MID1: variants seen among roughly 807,000 people sequenced by gnomAD.
The protein encoded by MID1 is midline 1, also known as E3 ubiquitin-protein ligase Midline-1.
A neutral mutation model predicts 40.4 loss-of-function variants in MID1; 7 were observed. The observed-to-expected ratio is 0.17, with a 90% CI of 0.10 to 0.33. MID1 has a LOEUF of 0.33. Among genes scored for constraint, MID1 ranks in the 10% least tolerant of loss-of-function variants. The pLI is 1.00. For missense variants in MID1, 367 were observed against 558.5 expected, an observed-to-expected ratio of 0.66 and a Z score of 3.46; for synonymous variants, 229 against 221.2, an observed-to-expected ratio of 1.04 and a Z score of -0.31.
intron 1 of MID1, among the ~76,000 whole-genome samples, chrX:10,592,274 TAAAAAAAA>T (rs144661774): frequency 3.5e-5 from 1 of 28,232 alleles, no homozygotes; most frequent in African/African-American, 1.4e-4. Context: ...GGGACTGCGT[TAAAAAAAA>T]AAAAAAAAAA....
chrX:10,669,230 TAAAAAAAAAAAA>T (rs761817483), intron 1 of MID1, among the ~76,000 whole-genome samples: 3 of 47,019 alleles, frequency 6.4e-5, no homozygotes, highest in Admixed American at 2.9e-4. Flanking sequence ...CGTCTCAAAA[TAAAAAAAAAAAA>T]AAAAAAAAAA....
intron 1 of MID1, among the ~76,000 whole-genome samples, chrX:10,743,446 G>T (rs2147110377): frequency 8.9e-6 from 1 of 112,513 alleles, no homozygotes; most frequent in Admixed American, 9.4e-5. Context: ...CGCTTCATGG[G>T]ATAAAGAATT....
chrX:10,525,612 G>A (rs1410505068), intron 2 of MID1, among the ~76,000 whole-genome samples: 1 of 112,335 alleles, frequency 8.9e-6, no homozygotes, highest in Admixed American at 9.4e-5. Context: ...ACATAGCCCA[G>A]CCAGATAAGA....
At chrX:10,550,295 A>T (rs1041630494) in intron 2 of MID1, among the ~76,000 whole-genome samples, 3 of 112,518 alleles carry the variant, frequency 2.7e-5, no homozygotes, top group African/African-American at 9.7e-5. Context: ...AGCTGCAAAC[A>T]CTAGGAAATC....
intron 1 of MID1, among the ~76,000 whole-genome samples, chrX:10,609,793 C>A (rs1430513457): frequency 1.9e-5 from 2 of 104,365 alleles, no homozygotes; most frequent in Admixed American, 1.0e-4. Flanking sequence ...TCTCGGCTCA[C>A]TGCAAGCTCC....
intron 1 of MID1, among the ~76,000 whole-genome samples, chrX:10,745,926 T>C (rs183857626): frequency 7.0e-4 from 79 of 112,580 alleles, no homozygotes; most frequent in African/African-American, 2.5e-3. Context: ...CACTGGGTTG[T>C]GTTACAACCA....
At chrX:10,736,192 G>C (rs1252864296) in intron 1 of MID1, among the ~76,000 whole-genome samples, 1 of 110,336 alleles carries the variant, frequency 9.1e-6, no homozygotes, top group Non-Finnish European at 1.9e-5. Context: ...TGTTAGCCAG[G>C]ATGGTCTCAA....
At chrX:10,594,830 T>G (rs12164413) in intron 1 of MID1, among the ~76,000 whole-genome samples, 8,180 of 111,560 alleles carry the variant, frequency 0.073, 230 homozygotes, top group Middle Eastern at 0.084. Flanking sequence ...ATATATAAAA[T>G]TTGGTGACTT....
intron 1 of MID1, among the ~76,000 whole-genome samples, chrX:10,649,889 G>T (rs1266969760): frequency 8.9e-6 from 1 of 111,813 alleles, no homozygotes; most frequent in African/African-American, 3.2e-5. Context: ...AACACTTAAC[G>T]TGTCAATCTG....
chrX:10,713,496 T>A (rs2147090586), intron 1 of MID1, among the ~76,000 whole-genome samples: 1 of 110,815 alleles, frequency 9.0e-6, no homozygotes, highest in African/African-American at 3.3e-5. Context: ...GCTAATTTTT[T>A]AAAAACATTT....
intron 1 of MID1, among the ~76,000 whole-genome samples, chrX:10,777,643 T>A (rs963637073): frequency 4.7e-5 from 5 of 107,073 alleles, no homozygotes; most frequent in Non-Finnish European, 9.7e-5. Context: ...CAGGTTCAAG[T>A]GATTCTCCTG....
chrX:10,549,710 T>C (rs773680072), intron 2 of MID1, among the ~76,000 whole-genome samples: 5 of 113,187 alleles, frequency 4.4e-5, no homozygotes, highest in African/African-American at 6.4e-5. Context: ...TGGGGTAGTT[T>C]TGGGGAAACC....
chrX:10,539,712 G>GC (rs1354501141), intron 2 of MID1, among the ~76,000 whole-genome samples: 1 of 90,516 alleles, frequency 1.1e-5, no homozygotes, highest in South Asian at 4.0e-4. Flanking sequence ...TTCCTCAATA[G>GC]CCAAAAAAAA....
chrX:10,477,946 C>G (rs1392276723), intron 5 of MID1, among the ~76,000 whole-genome samples: 1 of 112,428 alleles, frequency 8.9e-6, no homozygotes, highest in Non-Finnish European at 1.9e-5. Flanking sequence ...TTCTTTGAAC[C>G]AAGCAACATC....
chrX:10,646,423 A>G (rs1156513716), intron 1 of MID1, among the ~76,000 whole-genome samples: 1 of 111,604 alleles, frequency 9.0e-6, no homozygotes, highest in Admixed American at 9.6e-5. Flanking sequence ...CAGCAACCTA[A>G]TATAAGTGGA....
intron 1 of MID1, among the ~76,000 whole-genome samples, chrX:10,795,773 A>G (rs1335933140): frequency 3.6e-5 from 4 of 112,628 alleles, no homozygotes; most frequent in Non-Finnish European, 7.5e-5. Flanking sequence ...AAGCAAGAGC[A>G]GAACTAGCCC....
At chrX:10,561,931 T>G (rs910383671) in intron 2 of MID1, among the ~76,000 whole-genome samples, 13 of 107,356 alleles carry the variant, frequency 1.2e-4, no homozygotes, top group Non-Finnish European at 5.7e-5. Flanking sequence ...ATATGTTTAT[T>G]GCAGTACTAT....
intron 5 of MID1, among the ~76,000 whole-genome samples, chrX:10,481,843 C>T (rs1373407602): frequency 1.8e-5 from 2 of 112,356 alleles, no homozygotes; most frequent in Non-Finnish European, 3.8e-5. Flanking sequence ...CGAAAAAATA[C>T]TTATCTTTGC....
intron 1 of MID1, among the ~76,000 whole-genome samples, chrX:10,646,081 G>A (rs940028713): frequency 9.0e-6 from 1 of 111,453 alleles, no homozygotes; most frequent in Non-Finnish European, 1.9e-5. Flanking sequence ...ACCACTCCCC[G>A]AACCACACTG....
Sources: gnomAD v4.1 joint callset for allele counts (sites outside exome capture counted in the v4.1 genomes callset) on GRCh38, gnomAD v4.1.1 for gene constraint, MANE v1.5 for transcripts, NCBI Gene and HGNC (gene_info 2026-07-23, HGNC 2026-07-21) for gene names.